Variants in SATB2 observed in about 807,000 individuals in gnomAD.
The protein encoded by SATB2 is SATB homeobox 2.
SATB2 carries 1 observed loss-of-function variant against 73.4 expected under a neutral mutation model. The observed-to-expected ratio is 0.01, with a 90% CI of 0.00 to 0.06. SATB2 has a LOEUF of 0.06. Among genes scored for constraint, SATB2 ranks in the 10% least tolerant of loss-of-function variants. SATB2 has a pLI of 1.00. For missense variants in SATB2, 459 were observed against 945.8 expected, an observed-to-expected ratio of 0.49 and a Z score of 6.75; for synonymous variants, 397 against 367.0, an observed-to-expected ratio of 1.08 and a Z score of -0.93.
intron 10 of SATB2, among the ~76,000 whole-genome samples, chr2:199,296,666 T>A (rs1394891191): frequency 6.6e-6 from 1 of 151,962 alleles, no homozygotes; most frequent in Admixed American, 6.6e-5. Flanking sequence ...GCCACTTCAC[T>A]CCAGCCTGAG....
At chr2:199,443,501 G>A (rs1691878159) in intron 2 of SATB2, among the ~76,000 whole-genome samples, 1 of 138,748 alleles carries the variant, frequency 7.2e-6, no homozygotes, top group Non-Finnish European at 1.5e-5. Context: ...AGAATGGAGA[G>A]ATTTTTATCA....
At chr2:199,282,861 G>A (rs1692567839) in intron 10 of SATB2, among the ~76,000 whole-genome samples, 2 of 151,986 alleles carry the variant, frequency 1.3e-5, no homozygotes, top group African/African-American at 4.8e-5. Flanking sequence ...TACTTAAAAT[G>A]GCACCTGGCA....
intron 4 of SATB2, among the ~76,000 whole-genome samples, chr2:199,381,258 A>G (rs1432017041): frequency 6.6e-6 from 1 of 152,166 alleles, no homozygotes; most frequent in Non-Finnish European, 1.5e-5. Context: ...AAGATCTCCT[A>G]TGTCAGGACA....
intron 3 of SATB2, among the ~76,000 whole-genome samples, chr2:199,400,890 A>T (rs915111821): frequency 6.6e-6 from 1 of 152,200 alleles, no homozygotes; most frequent in African/African-American, 2.4e-5. Context: ...TCTCCAATTG[A>T]TTATTTAACC....
intron 10 of SATB2, among the ~76,000 whole-genome samples, chr2:199,299,385 T>C (rs1312464691): frequency 2.0e-5 from 3 of 152,186 alleles, no homozygotes; most frequent in Non-Finnish European, 4.4e-5. Context: ...TCTTTTAAGG[T>C]AATCTCATCA....
chr2:199,394,081 T>C (rs1189938965), intron 3 of SATB2, among the ~76,000 whole-genome samples: 1 of 152,204 alleles, frequency 6.6e-6, no homozygotes, highest in African/African-American at 2.4e-5. Flanking sequence ...CACTTTTATG[T>C]TAATGAAAGA....
At chr2:199,309,711 A>G (rs1219428290) in intron 9 of SATB2, among the ~76,000 whole-genome samples, 1 of 152,234 alleles carries the variant, frequency 6.6e-6, no homozygotes, top group Non-Finnish European at 1.5e-5. Flanking sequence ...GATGCTGTCA[A>G]CATCGCTCAC....
chr2:199,416,430 C>T (rs961683841), intron 3 of SATB2, among the ~76,000 whole-genome samples: 4 of 152,102 alleles, frequency 2.6e-5, no homozygotes, highest in Non-Finnish European at 5.9e-5. Flanking sequence ...TTAAAATAAA[C>T]ACACACCAAA....
At chr2:199,346,156 CT>C (rs1050884316) in intron 7 of SATB2, among the ~76,000 whole-genome samples, 118 of 144,804 alleles carry the variant, frequency 8.1e-4, no homozygotes, top group East Asian at 1.4e-3. Context: ...TTTTCTTTTT[CT>C]TTTTTTTTTT....
At chr2:199,386,691 C>G (rs547628509) in intron 3 of SATB2, among the ~76,000 whole-genome samples, 1 of 12,502 alleles carries the variant, frequency 8.0e-5, no homozygotes, top group South Asian at 0.013. Context: ...CATACACGTG[C>G]GCAAGCGCGC....
In SATB2 at chr2:199,457,108, G is replaced by A. The variant is rs923705343; in HGVS notation, c.-60+231C>T. The stretch of plus-strand genomic sequence containing the variant: ...ATCCTCGTGGGCGCTCTGGCCGCGC[G>A]AGCAGTGTCGGCGCCACGGGTCAAG... On this transcript the variant is annotated intron_variant, in intron 1 of 10. Coordinates refer to ENST00000417098, the MANE Select transcript of SATB2 (RefSeq NM_001172509.2). The surrounding 1 kb of genome is among the most constrained non-coding windows in gnomAD (Gnocchi z 4.8). 6.6e-6 allele frequency among the ~76,000 whole-genome samples: 1 copy of A among 152,168 alleles called. No individual in the cohort carries two copies. The highest frequency in any genetic ancestry group is 2.4e-5 in the African/African-American group (1 of 41,462).
At chr2:199,300,232 G>A (rs566977750) in intron 10 of SATB2, among the ~76,000 whole-genome samples, 2 of 151,506 alleles carry the variant, frequency 1.3e-5, no homozygotes, top group South Asian at 4.2e-4. Flanking sequence ...AAGGAGAAGG[G>A]GATAAATAGC....
chr2:199,399,107 C>CA (rs1690390554), intron 3 of SATB2, among the ~76,000 whole-genome samples: 1 of 151,902 alleles, frequency 6.6e-6, no homozygotes, highest in African/African-American at 2.4e-5. Flanking sequence ...CCCATCTCTA[C>CA]AAAAAAATAT....
chr2:199,327,442 A>G (rs1486364276), intron 8 of SATB2, among the ~76,000 whole-genome samples: 9 of 152,224 alleles, frequency 5.9e-5, no homozygotes, highest in Admixed American at 5.9e-4. Flanking sequence ...CTCCTTCTCA[A>G]AAACAAACAA....
chr2:199,336,891 T>C (rs914272056), intron 7 of SATB2, among the ~76,000 whole-genome samples: 1 of 152,196 alleles, frequency 6.6e-6, no homozygotes, highest in East Asian at 1.9e-4. Flanking sequence ...AATCTCCCTA[T>C]GGCACAGTCT....
chr2:199,386,198 G>A (rs964287703), intron 3 of SATB2, among the ~76,000 whole-genome samples: 3 of 152,076 alleles, frequency 2.0e-5, no homozygotes, highest in African/African-American at 2.4e-5. Context: ...TACCTACCAG[G>A]TAGGCATCCC....
intron 8 of SATB2, among the ~76,000 whole-genome samples, chr2:199,327,338 G>A (rs935539232): frequency 1.3e-5 from 2 of 152,128 alleles, no homozygotes; most frequent in African/African-American, 2.4e-5. Flanking sequence ...CTACTCGGGA[G>A]GCCGAGGCAG....
At chr2:199,333,297 T>C (rs1205616348) in intron 7 of SATB2, among the ~76,000 whole-genome samples, 1 of 152,142 alleles carries the variant, frequency 6.6e-6, no homozygotes, top group African/African-American at 2.4e-5. Flanking sequence ...GAAGGTATTA[T>C]AGCAGCACAA....
Position 199,389,765 on chromosome 2 carries a change from CAAG to C in SATB2, c.347-7948_347-7946del, listed in dbSNP as rs1370377847. The stretch of plus-strand genomic sequence containing the variant: ...ATTTCTATCTTTCAGAGGAAATTAT[CAAG>C]AAGATTATTATTTAAAAATTAAAAT... On this transcript the variant is annotated intron_variant, in intron 3 of 10. Transcript: ENST00000417098. Among the ~76,000 whole-genome samples the C allele has an allele frequency of 3.9e-5, 6 of 152,160 alleles. No individual in the cohort carries two copies. In the East Asian group the frequency reaches 5.8e-4, roughly 15 times the overall value.
Sources: gnomAD v4.1 joint callset for allele counts (sites outside exome capture counted in the v4.1 genomes callset) on GRCh38, gnomAD v4.1.1 for gene constraint, Gnocchi (gnomAD v3.1) non-coding constraint, MANE v1.5 for transcripts, NCBI Gene and HGNC (gene_info 2026-07-23, HGNC 2026-07-21) for gene names.